Variants in LIN28B observed in about 807,000 individuals in gnomAD.
The protein encoded by LIN28B is protein lin-28 homolog B.
LIN28B carries 5 observed loss-of-function variants against 21.9 expected under a neutral mutation model. That is an observed-to-expected ratio of 0.23 (90% CI 0.12 to 0.48). The LOEUF is 0.48. Among genes scored for constraint, LIN28B ranks in the 20% least tolerant of loss-of-function variants. The pLI, the probability that LIN28B is intolerant of heterozygous loss-of-function variation, is 0.98. For synonymous variants in LIN28B, 109 were observed against 111.3 expected, an observed-to-expected ratio of 0.98 and a Z score of 0.13; for missense variants, 245 against 310.5, an observed-to-expected ratio of 0.79 and a Z score of 1.58.
upstream of LIN28B, among the ~76,000 whole-genome samples, chr6:104,953,436 G>A (rs542167854): frequency 1.4e-4 from 21 of 152,300 alleles, no homozygotes; most frequent in Middle Eastern, 3.4e-3. Flanking sequence ...ATATACGTCT[G>A]GAAATTCAGT....
At chr6:105,007,535 T>C (rs924292150) in intron 2 of LIN28B, among the ~76,000 whole-genome samples, 3 of 151,972 alleles carry the variant, frequency 2.0e-5, no homozygotes, top group African/African-American at 7.2e-5. Context: ...ATATCTCTTT[T>C]TTTTTTTTTA....
At chr6:105,005,907 A>G (rs951230118) in intron 2 of LIN28B, among the ~76,000 whole-genome samples, 2 of 152,114 alleles carry the variant, frequency 1.3e-5, no homozygotes, top group Non-Finnish European at 2.9e-5. Flanking sequence ...TAATAGTTTA[A>G]TTTTCAAGAG....
At chr6:105,015,556 C>G (rs1352378873) in intron 2 of LIN28B, among the ~76,000 whole-genome samples, 1 of 152,062 alleles carries the variant, frequency 6.6e-6, no homozygotes, top group Non-Finnish European at 1.5e-5. Context: ...GGATTTAGAT[C>G]TATCGTTTTG....
chr6:105,023,659 A>T (rs1043241518), intron 2 of LIN28B, among the ~76,000 whole-genome samples: 44 of 51,536 alleles, frequency 8.5e-4, no homozygotes, highest in African/African-American at 2.8e-3. Flanking sequence ...ATATATATAT[A>T]TTTTTTTGCC....
chr6:105,070,941 A>G (rs1314056532), intron 3 of LIN28B, among the ~76,000 whole-genome samples: 2 of 151,956 alleles, frequency 1.3e-5, no homozygotes, highest in East Asian at 1.9e-4. Flanking sequence ...CAGTGGTGCA[A>G]TCTCAGCTCA....
intron 3 of LIN28B, among the ~76,000 whole-genome samples, chr6:105,076,140 G>A (rs745463962): frequency 1.3e-4 from 20 of 152,028 alleles, no homozygotes; most frequent in Admixed American, 2.6e-4. Flanking sequence ...AGAACATATG[G>A]CTGAAACAAT....
chr6:105,014,074 T>C (rs548243047), intron 2 of LIN28B, among the ~76,000 whole-genome samples: 3 of 152,334 alleles, frequency 2.0e-5, no homozygotes, highest in African/African-American at 7.2e-5. Flanking sequence ...TATTTTCTTC[T>C]ACCAACTTTG....
At chr6:104,953,770 C>T (rs1433389031), upstream of LIN28B, among the ~76,000 whole-genome samples, 2 of 152,178 alleles carry the variant, frequency 1.3e-5, no homozygotes, top group Non-Finnish European at 2.9e-5. Context: ...GCGATGGCAG[C>T]GCTGGGCTAC....
intron 2 of LIN28B, among the ~76,000 whole-genome samples, chr6:104,947,456 A>G (rs1212171707): frequency 1.3e-5 from 2 of 152,222 alleles, no homozygotes; most frequent in African/African-American, 4.8e-5. Context: ...TATATAATTC[A>G]TAATAGCAGT....
Position 105,083,052 on chromosome 6 carries a change from A to AT in LIN28B, c.*4272dup, listed in dbSNP as rs1309269339. The AT allele has an allele frequency of 5.2e-5, 8 of 152,620 alleles. No individual in the cohort carries two copies. Among genetic ancestry groups the AT allele is most frequent in the African/African-American group, 1.9e-4 (8 of 41,460 alleles). The allele number at this position is 152,620 out of a possible 1,614,324, so 9.5% of individuals were successfully genotyped here. On this transcript the variant is annotated 3_prime_UTR_variant, in exon 4 of 4. Coordinates refer to ENST00000345080, the MANE Select transcript of LIN28B (RefSeq NM_001004317.4). The stretch of plus-strand genomic sequence containing the variant: ...GTGTTTTTAAATTATCCTGTGTAGT[A>AT]TTTAGATTACCTCATTGTCCATTTT...
intron 3 of LIN28B, among the ~76,000 whole-genome samples, chr6:105,030,576 A>C (rs1771399264): frequency 6.9e-6 from 1 of 145,194 alleles, no homozygotes; most frequent in Non-Finnish European, 1.5e-5. Flanking sequence ...TCTTGAATTA[A>C]TTTCTTTCTT....
chr6:105,066,742 A>G (rs1431609323), intron 3 of LIN28B, among the ~76,000 whole-genome samples: 1 of 152,100 alleles, frequency 6.6e-6, no homozygotes, highest in Non-Finnish European at 1.5e-5. Context: ...CTTATCAGGT[A>G]ATCATGATGG....
chr6:104,997,036 C>T (rs1407969278), intron 2 of LIN28B, among the ~76,000 whole-genome samples: 2 of 152,078 alleles, frequency 1.3e-5, no homozygotes. Context: ...AATCCCAGCA[C>T]TTTGGGAGGC....
chr6:105,051,632 C>G (rs1281946624), intron 3 of LIN28B, among the ~76,000 whole-genome samples: 1 of 151,878 alleles, frequency 6.6e-6, no homozygotes, highest in Admixed American at 6.6e-5. Flanking sequence ...TCTGGTCTGC[C>G]TTATTTACTA....
intron 2 of LIN28B, among the ~76,000 whole-genome samples, chr6:104,940,679 G>A: frequency 6.7e-6 from 1 of 150,340 alleles, no homozygotes; most frequent in Non-Finnish European, 1.5e-5. Context: ...TGCCGCCGCC[G>A]CGCCCCGCGC....
chr6:104,978,973 G>T (rs1399027281), intron 2 of LIN28B, among the ~76,000 whole-genome samples: 1 of 152,160 alleles, frequency 6.6e-6, no homozygotes, highest in Non-Finnish European at 1.5e-5. Flanking sequence ...TCAGTCTGAA[G>T]GGAGCAGTTA....
chr6:105,079,700 C>T lies in LIN28B; in HGVS notation c.*917C>T, dbSNP rs1772504114. On this transcript the variant is annotated 3_prime_UTR_variant, in exon 4 of 4. Coordinates refer to ENST00000345080, the MANE Select transcript of LIN28B (RefSeq NM_001004317.4). Reference sequence around the variant, plus strand: ...GGCAACAGCAGCTTCCCTTGGCTAACTCAATCTTCTACCCATTGCTTAGAG... The same window carrying T: ...GGCAACAGCAGCTTCCCTTGGCTAATTCAATCTTCTACCCATTGCTTAGAG... 1 of 152,422 alleles carries T rather than the reference C, an allele frequency of 6.6e-6. No individual in the cohort carries two copies. The highest frequency in any genetic ancestry group is 1.5e-5 in the Non-Finnish European group (1 of 68,050). The allele number at this position is 152,422 out of a possible 1,614,324, so 9.4% of individuals were successfully genotyped here.
intron 3 of LIN28B, among the ~76,000 whole-genome samples, chr6:105,052,431 G>C (rs1335528135): frequency 6.6e-6 from 1 of 152,098 alleles, no homozygotes; most frequent in Non-Finnish European, 1.5e-5. Flanking sequence ...GATGTGTCAT[G>C]GTGGGAGAGC....
Position 105,043,341 on chromosome 6 carries a change from CAAAAAAAAAAAAAAAAAAAA to C in LIN28B, c.383+16871_383+16890del, listed in dbSNP as rs57532096. The stretch of plus-strand genomic sequence containing the variant: ...AGAGCAACAGAGTGAGACTCTGTCT[CAAAAAAAAAAAAAAAAAAAA>C]AAAAAAAAAAAGAAAACTAAAACTA... On this transcript the variant is annotated intron_variant, in intron 3 of 3. Coordinates refer to ENST00000345080, the MANE Select transcript of LIN28B (RefSeq NM_001004317.4). Among the ~76,000 whole-genome samples the C allele has an allele frequency of 5.7e-4, 43 of 75,388 alleles. 1 individual carries two copies. The South Asian group carries it at 0.021, about 37-fold the overall frequency. The allele number at this position is 75,388 out of a possible 152,430, so 49.5% of individuals were successfully genotyped here.
Sources: allele counts gnomAD v4.1 joint callset (sites outside exome capture counted in the v4.1 genomes callset), GRCh38; gene constraint gnomAD v4.1.1; transcripts MANE v1.5; gene names NCBI Gene and HGNC (gene_info 2026-07-23, HGNC 2026-07-21).